Variants in CDO1 observed in about 807,000 individuals in gnomAD.
CDO1 encodes the protein cysteine dioxygenase, type I.
CDO1 carries 19 observed loss-of-function variants against 24.5 expected under a neutral mutation model. That is an observed-to-expected ratio of 0.77 (90% CI 0.54 to 1.14). The LOEUF (loss-of-function observed/expected upper bound fraction) is 1.14, where lower values mean the gene tolerates loss of function less well. Ranked by LOEUF, CDO1 falls within the 50% of genes most tolerant of loss-of-function variation. CDO1 has a pLI of 0.00. For missense variants in CDO1, 244 were observed against 244.8 expected (o/e 1.00, Z 0.02); for synonymous variants, 91 against 87.0 (o/e 1.05, Z -0.26).
At chr5:115,808,540 A>G (rs1437316855) in intron 3 of CDO1, among the ~76,000 whole-genome samples, 1 of 152,166 alleles carries the variant, frequency 6.6e-6, no homozygotes, top group Non-Finnish European at 1.5e-5. Context: ...TCATGAGATC[A>G]GTAAAGAGGG....
intron 1 of CDO1, 100 bp downstream of exon 1, chr5:115,816,128 G>T: frequency 8.2e-7 from 1 of 1,213,096 alleles, no homozygotes. Flanking sequence ...CGCGGCCCGA[G>T]CTTCCCGAGC....
At chr5:115,813,417 T>C (rs1760284702) in intron 1 of CDO1, among the ~76,000 whole-genome samples, 159 bp from the exon 2 acceptor site, 1 of 152,162 alleles carries the variant, frequency 6.6e-6, no homozygotes, top group African/African-American at 2.4e-5. Context: ...CCAACACAAA[T>C]GAAAAATCCT....
At chr5:115,813,707 A>T (rs185933669) in intron 1 of CDO1, among the ~76,000 whole-genome samples, 2 of 151,820 alleles carry the variant, frequency 1.3e-5, no homozygotes, top group Admixed American at 1.3e-4. Context: ...TAGAATTCTT[A>T]GTTTTACTAA....
intron 3 of CDO1, among the ~76,000 whole-genome samples, chr5:115,806,961 T>C (rs2112677904): frequency 6.6e-6 from 1 of 152,308 alleles, no homozygotes; most frequent in East Asian, 1.9e-4. Flanking sequence ...AGGCTGTAGA[T>C]ATAAGAACTG....
At position 115,813,230 on chromosome 5, in the gene CDO1, T is replaced by A. The variant is rs1483821579; in HGVS notation, c.199A>T (p.Asn67Tyr). Residue 67 changes from asparagine (N) to tyrosine (Y), a missense_variant, in exon 2 of 5, where the codon AAT (asparagine) becomes TAT (tyrosine). Physicochemically the swap from Asn to Tyr is moderately radical, Grantham distance 143 (BLOSUM62 -2). Transcript: ENST00000250535. ...RYTRNLVDQG[N>Y]GKFNLMILCW... ...AGAATCATCAGATTAAATTTTCCATTTCCTTGATCCACAAGATTTCGGGTA... is the reference window on the plus strand; with the variant it reads ...AGAATCATCAGATTAAATTTTCCATATCCTTGATCCACAAGATTTCGGGTA... 3.1e-6 allele frequency: 5 copies of A among 1,602,326 alleles called. No homozygotes were observed. In the African/African-American group the frequency reaches 6.7e-5, roughly 21 times the overall value.
intron 3 of CDO1, among the ~76,000 whole-genome samples, chr5:115,810,397 G>A (rs1346314060): frequency 6.6e-6 from 1 of 152,176 alleles, no homozygotes; most frequent in East Asian, 1.9e-4. Flanking sequence ...CTTTATATAG[G>A]TGGGGTACAT....
chr5:115,815,843 C>G lies in CDO1; in HGVS notation c.170+385G>C, dbSNP rs750365334. Among the ~76,000 whole-genome samples, 108 of 152,330 alleles carry G rather than the reference C, an allele frequency of 7.1e-4. No homozygotes were observed. The Middle Eastern group carries it at 0.014, about 19-fold the overall frequency. On this transcript the variant is annotated intron_variant, in intron 1 of 4. Transcript: ENST00000250535. ...TGCGGTCTCTCCGCATCTCCGCGCC[C>G]GGGGTTAACGATGGCTTGGGAGTGT...
At chr5:115,816,126 G>T in intron 1 of CDO1, 102 bp downstream of exon 1, 3 of 980,092 alleles carry the variant, frequency 3.1e-6, no homozygotes, top group Non-Finnish European at 2.8e-6. Context: ...AGCGCGGCCC[G>T]AGCTTCCCGA....
rs781078499 is a variant in CDO1 at position 115,806,426 on chromosome 5, C to T, written c.496G>A (p.Ala166Thr). 1 of 1,612,366 alleles carries T rather than the reference C, an allele frequency of 6.2e-7. No individual in the cohort carries two copies. Among genetic ancestry groups the T allele is most frequent in the Non-Finnish European group, 8.5e-7 (1 of 1,179,332 alleles). Residue 166 changes from alanine to threonine, a missense_variant, in exon 4 of 5, where the codon GCC (alanine) becomes ACC (threonine). By Grantham distance (58) the Ala-to-Thr change is moderately conservative. Transcript: ENST00000250535. ...LYSPPFDTCH[A>T]FDQRTGHKNK... ...TTATGTCCTGTTCTTTGATCAAAGG[C>T]ATGGCATGTATCAAAAGGTGGACTG...
chr5:115,813,099 C>T, intron 2 of CDO1, 82 bp downstream of exon 2: 1 of 637,928 alleles, frequency 1.6e-6, no homozygotes, highest in Non-Finnish European at 2.8e-6. Context: ...ACTTGTAAGA[C>T]CTGTGGCTAG....
chr5:115,811,800 T>A (rs1450541737), intron 2 of CDO1, among the ~76,000 whole-genome samples: 1 of 152,174 alleles, frequency 6.6e-6, no homozygotes, highest in Non-Finnish European at 1.5e-5. Flanking sequence ...TCTCCTTCCT[T>A]TGGGGAGCTG....
intron 2 of CDO1, among the ~76,000 whole-genome samples, chr5:115,811,972 T>C (rs1221164431): frequency 6.6e-6 from 1 of 152,220 alleles, no homozygotes; most frequent in Non-Finnish European, 1.5e-5. Context: ...ATTTATGCAA[T>C]CTCAGAGTGA....
chr5:115,808,371 A>T (rs943461854), intron 3 of CDO1, among the ~76,000 whole-genome samples: 3 of 152,214 alleles, frequency 2.0e-5, no homozygotes, highest in Non-Finnish European at 1.5e-5. Context: ...GTGATAATCC[A>T]TAACCCAGCT....
chr5:115,815,854 A>G (rs1760409560), intron 1 of CDO1, among the ~76,000 whole-genome samples: 1 of 152,168 alleles, frequency 6.6e-6, no homozygotes, highest in Non-Finnish European at 1.5e-5. Flanking sequence ...GGGGTTAACG[A>G]TGGCTTGGGA....
chr5:115,814,749 T>C (rs1760352530), intron 1 of CDO1, among the ~76,000 whole-genome samples: 1 of 152,142 alleles, frequency 6.6e-6, no homozygotes, highest in Non-Finnish European at 1.5e-5. Context: ...TGGTTTAGAG[T>C]GTAGGCTCTG....
At chr5:115,809,387 T>A (rs1192999234) in intron 3 of CDO1, among the ~76,000 whole-genome samples, 2 of 152,176 alleles carry the variant, frequency 1.3e-5, no homozygotes, top group African/African-American at 4.8e-5. Flanking sequence ...CAACTTGGTC[T>A]CCTTGCCCCA....
chr5:115,815,779 A>G (rs1011240244), intron 1 of CDO1, among the ~76,000 whole-genome samples: 1 of 152,308 alleles, frequency 6.6e-6, no homozygotes, highest in Non-Finnish European at 1.5e-5. Flanking sequence ...TAGTCCGGCC[A>G]GACGGTTCCT....
At chr5:115,815,318 T>C (rs555276454) in intron 1 of CDO1, among the ~76,000 whole-genome samples, 58 of 152,160 alleles carry the variant, frequency 3.8e-4, no homozygotes, top group Non-Finnish European at 6.3e-4. Context: ...CCCCGGAGGA[T>C]TGGTAGAGAG....
At chr5:115,815,797 T>A (rs1218917177) in intron 1 of CDO1, among the ~76,000 whole-genome samples, 3 of 152,154 alleles carry the variant, frequency 2.0e-5, no homozygotes. Context: ...CCTTAAGGTG[T>A]CAGGAGGGCC....
Sources: allele counts gnomAD v4.1 joint callset (sites outside exome capture counted in the v4.1 genomes callset), GRCh38; gene constraint gnomAD v4.1.1; transcripts MANE v1.5; gene names NCBI Gene and HGNC (gene_info 2026-07-23, HGNC 2026-07-21).